GALNT2: variants seen among roughly 807,000 people sequenced by gnomAD.
GALNT2 encodes the protein UDP-GalNAc:polypeptide N-acetylgalactosaminyltransferase 2.
Under a neutral mutation model 81.4 loss-of-function variants are expected in GALNT2, and 31 were observed. The observed-to-expected ratio is 0.38, with a 90% CI of 0.29 to 0.51. The LOEUF (loss-of-function observed/expected upper bound fraction) is 0.51, where lower values mean the gene tolerates loss of function less well. GALNT2 is among the 20% of genes least tolerant of loss of function. The probability of loss-of-function intolerance (pLI) is 0.87; values close to 1 mark genes in which losing one functional copy is unlikely to be tolerated. For synonymous variants in GALNT2, 303 were observed against 287.4 expected (o/e 1.05, Z -0.55); for missense variants, 629 against 765.7 (o/e 0.82, Z 2.11).
chr1:230,168,497 A>G (rs1321716093), intron 1 of GALNT2, among the ~76,000 whole-genome samples: 1 of 152,184 alleles, frequency 6.6e-6, no homozygotes, highest in African/African-American at 2.4e-5. Flanking sequence ...TTGGCTTTCG[A>G]GCATTTATCA....
chr1:230,076,725 T>C (rs1450175282), intron 1 of GALNT2, among the ~76,000 whole-genome samples: 2 of 152,138 alleles, frequency 1.3e-5, no homozygotes, highest in East Asian at 3.9e-4. Flanking sequence ...GAAGGGTCAT[T>C]AGATATTTTA....
chr1:230,089,420 T>C (rs1571948175), intron 1 of GALNT2, among the ~76,000 whole-genome samples: 2 of 152,204 alleles, frequency 1.3e-5, no homozygotes, highest in East Asian at 3.8e-4. Flanking sequence ...CCCAAAGTGC[T>C]GGGATTACAG....
intron 3 of GALNT2, among the ~76,000 whole-genome samples, chr1:230,223,921 C>G (rs1393798921): frequency 1.3e-5 from 2 of 152,202 alleles, no homozygotes; most frequent in African/African-American, 4.8e-5. Context: ...CCACAGACTC[C>G]ATTATCTGGC....
chr1:230,217,263 G>C (rs1664418153), intron 3 of GALNT2, among the ~76,000 whole-genome samples: 1 of 152,192 alleles, frequency 6.6e-6, no homozygotes, highest in Admixed American at 6.5e-5. Context: ...AGGTGATCAG[G>C]GAAGATCTCA....
In GALNT2 at chr1:230,244,869, C is replaced by CAAACACTG. The variant is rs879887180; in HGVS notation, c.730-1193_730-1192insAACACTGA. Among the ~76,000 whole-genome samples, 1,410 of 152,298 alleles carry CAAACACTG rather than the reference C, an allele frequency of 9.3e-3. 5 individuals are homozygous for CAAACACTG. Among genetic ancestry groups the CAAACACTG allele is most frequent in the Middle Eastern group, 0.037 (11 of 294 alleles). On this transcript the variant is annotated intron_variant, in intron 7 of 15. Transcript: ENST00000366672. Reference sequence around the variant, plus strand: ...GCAGTGTTTGCGTGTTCCTAATTAGCATGTTCCTTCACCTGTTCCTCTGAT... The same window carrying CAAACACTG: ...GCAGTGTTTGCGTGTTCCTAATTAGCAAACACTGATGTTCCTTCACCTGTTCCTCTGAT...
At chr1:230,150,751 G>A (rs1419006151) in intron 1 of GALNT2, among the ~76,000 whole-genome samples, 4 of 152,212 alleles carry the variant, frequency 2.6e-5, no homozygotes, top group African/African-American at 4.8e-5. Context: ...CTAGGATGGC[G>A]GGAGGCACAG....
rs934800534 is a variant in GALNT2, at chr1:230,070,051, C to T, written c.126+2645C>T. Among the ~76,000 whole-genome samples, 1 of 152,178 alleles carries T rather than the reference C, an allele frequency of 6.6e-6. No individual in the cohort carries two copies. The highest frequency in any genetic ancestry group is 1.9e-4 in the East Asian group (1 of 5,190). The stretch of plus-strand genomic sequence containing the variant: ...CTCATCACAGAACTGTTATTCTCCA[C>T]TTGGCAAAACCCAGAGAGCCAGCTC... On this transcript the variant is annotated intron_variant, in intron 1 of 15. Transcript: ENST00000366672. This position sits in a 1 kb window ranked among gnomAD's most constrained non-coding sequence, Gnocchi z 4.7.
At chr1:230,096,575 T>C (rs932380678) in intron 1 of GALNT2, among the ~76,000 whole-genome samples, 4 of 152,226 alleles carry the variant, frequency 2.6e-5, no homozygotes, top group African/African-American at 7.2e-5. Context: ...TTTGAAAGTT[T>C]TTTTTTGTTG....
At chr1:230,207,239 A>G (rs1664090693) in intron 3 of GALNT2, among the ~76,000 whole-genome samples, 1 of 152,116 alleles carries the variant, frequency 6.6e-6, no homozygotes, top group African/African-American at 2.4e-5. Context: ...ATACAGGAGA[A>G]GGAAAGGGGG....
At chr1:230,263,512 G>A (rs759609226) in intron 13 of GALNT2, 1 of 154,554 alleles carries the variant, frequency 6.5e-6, no homozygotes, top group Non-Finnish European at 1.4e-5. Flanking sequence ...TTAATCACAT[G>A]TGAAACGGAA....
chr1:230,107,011 G>T (rs1329261019), intron 1 of GALNT2, among the ~76,000 whole-genome samples: 2 of 152,248 alleles, frequency 1.3e-5, no homozygotes, highest in Non-Finnish European at 2.9e-5. Flanking sequence ...GAGTCCCGGG[G>T]CTGGACAGAA....
In GALNT2 at chr1:230,067,400, C is replaced by T; in HGVS notation, c.120C>T (p.Gly40=). The change falls in exon 1 of 16, where the codon GGC becomes GGT. Residue 40 remains glycine, a synonymous_variant. Coordinates refer to ENST00000366672, the MANE Select transcript of GALNT2 (RefSeq NM_004481.5). ...CCGGGGGCGCGGGCGGCGGCGCCGG[C>T]AGGAAGGTGAGTGGAGCGCCCTGCC... The part of the protein sequence containing the change: ...ALAGGAGGGA[G]RKEDWNEIDP... The T allele has an allele frequency of 8.1e-7, 1 of 1,241,492 alleles. No homozygotes were observed. Among genetic ancestry groups the T allele is most frequent in the Non-Finnish European group, 1.0e-6 (1 of 983,850 alleles). The allele number at this position is 1,241,492 out of a possible 1,614,324, so 76.9% of individuals were successfully genotyped here.
intron 1 of GALNT2, among the ~76,000 whole-genome samples, chr1:230,143,034 G>A (rs1661797730): frequency 6.6e-6 from 1 of 152,150 alleles, no homozygotes; most frequent in Non-Finnish European, 1.5e-5. Flanking sequence ...GTTTTTAGGG[G>A]AGTGGGCTGG....
intron 2 of GALNT2, among the ~76,000 whole-genome samples, chr1:230,195,748 C>T (rs775098879): frequency 6.6e-6 from 1 of 152,056 alleles, no homozygotes. Context: ...GTGCCCGCAC[C>T]GCCACAGATT....
intron 14 of GALNT2, among the ~76,000 whole-genome samples, chr1:230,265,881 C>T (rs1666023599): frequency 6.6e-6 from 1 of 152,218 alleles, no homozygotes; most frequent in Non-Finnish European, 1.5e-5. Context: ...ACATACACAC[C>T]TTTTCTGAGA....
intron 3 of GALNT2, among the ~76,000 whole-genome samples, chr1:230,209,267 C>T (rs868280882): frequency 1.4e-4 from 22 of 152,054 alleles, no homozygotes; most frequent in African/African-American, 5.3e-4. Context: ...AAGTTTCTTA[C>T]GTTGAAGTCC....
chr1:230,203,414 T>TAGGAAAA (rs1259378717), intron 3 of GALNT2, 124 bp downstream of exon 3: 1 of 1,177,764 alleles, frequency 8.5e-7, no homozygotes, highest in Non-Finnish European at 1.2e-6. Context: ...GTTGTAAAAC[T>TAGGAAAA]AGGAAAAATC....
chr1:230,240,625 T>C (rs1401897464), intron 6 of GALNT2, among the ~76,000 whole-genome samples: 1 of 151,918 alleles, frequency 6.6e-6, no homozygotes, highest in East Asian at 1.9e-4. Context: ...TTGTATGTTA[T>C]GGGTCATTTC....
chr1:230,136,456 C>T (rs1343415089), intron 1 of GALNT2, among the ~76,000 whole-genome samples: 4 of 152,186 alleles, frequency 2.6e-5, no homozygotes, highest in Non-Finnish European at 5.9e-5. Flanking sequence ...AACACACATT[C>T]ATTCGTGAGG....
Sources: allele counts gnomAD v4.1 joint callset (sites outside exome capture counted in the v4.1 genomes callset), GRCh38; gene constraint gnomAD v4.1.1; non-coding constraint Gnocchi (gnomAD v3.1); transcripts MANE v1.5; gene names NCBI Gene and HGNC (gene_info 2026-07-23, HGNC 2026-07-21).